Variants in ADGRF3 observed in about 807,000 individuals in gnomAD.
ADGRF3 encodes adhesion G protein-coupled receptor F3.
ADGRF3 carries 85 observed loss-of-function variants against 93.2 expected under a neutral mutation model. The ratio of observed to expected loss-of-function variants is 0.91; its 90% CI spans 0.77 to 1.09. The LOEUF (loss-of-function observed/expected upper bound fraction) is 1.09, where lower values mean the gene tolerates loss of function less well. Ranked by LOEUF, ADGRF3 falls within the 50% of genes least tolerant of loss-of-function variation. The pLI, the probability that ADGRF3 is intolerant of heterozygous loss-of-function variation, is 0.00. For synonymous variants in ADGRF3, 534 were observed against 532.5 expected, an observed-to-expected ratio of 1.00 and a Z score of -0.04; for missense variants, 1,125 against 1,246.2, an observed-to-expected ratio of 0.90 and a Z score of 1.46.
chr2:26,324,161 C>T (rs758424398), intron 1 of ADGRF3, among the ~76,000 whole-genome samples: 12 of 152,014 alleles, frequency 7.9e-5, no homozygotes, highest in Non-Finnish European at 1.5e-4. Flanking sequence ...TGAGGTGGGA[C>T]GATCACCGGA....
In ADGRF3 at chr2:26,311,692, T is replaced by C. The variant is rs761851403; in HGVS notation, c.1832A>G (p.Tyr611Cys). Reference sequence around the variant, plus strand: ...GACAAGGACCAGGCCAGGAGTGGCATAGAGGGAATCCCCCAGCCCTTGTCC... The same window carrying C: ...GACAAGGACCAGGCCAGGAGTGGCACAGAGGGAATCCCCCAGCCCTTGTCC... ...NYGQGLGDSLYATPGLVLVIS... is the reference protein window; with the variant it reads ...NYGQGLGDSLCATPGLVLVIS... Residue 611 changes from tyrosine (Y) to cysteine (C), a missense_variant, in exon 10 of 14, where the codon TAT becomes TGT. Tyr to Cys is a radical substitution (Grantham distance 194). Transcript: ENST00000651242. 1.2e-6 allele frequency: 2 copies of C among 1,613,324 alleles called. No individual in the cohort carries two copies. Among genetic ancestry groups the C allele is most frequent in the African/African-American group, 1.3e-5 (1 of 74,896 alleles).
chr2:26,345,861 C>T (rs1676698944), intron 1 of ADGRF3: 2 of 481,682 alleles, frequency 4.2e-6, no homozygotes, highest in East Asian at 3.7e-5. Flanking sequence ...TGACCTTTCA[C>T]CCCCTCTCTT....
At chr2:26,339,250 C>T (rs1326641638) in intron 1 of ADGRF3, among the ~76,000 whole-genome samples, 1 of 151,948 alleles carries the variant, frequency 6.6e-6, no homozygotes, top group African/African-American at 2.4e-5. Context: ...AATCCCAGCA[C>T]TTTGGGAGGC....
intron 1 of ADGRF3, among the ~76,000 whole-genome samples, chr2:26,324,626 A>G (rs1490867680): frequency 6.6e-6 from 1 of 152,344 alleles, no homozygotes; most frequent in Admixed American, 6.5e-5. Context: ...CTCCAGCTCC[A>G]TCCATGTCCC....
At position 26,311,097 on chromosome 2, in the gene ADGRF3, C is replaced by T. The variant is rs762254033; in HGVS notation, c.2427G>A (p.Leu809=). 1.2e-5 allele frequency: 20 copies of T among 1,601,288 alleles called. No individual in the cohort carries two copies. Among genetic ancestry groups the T allele is most frequent in the Non-Finnish European group, 1.7e-5 (20 of 1,174,204 alleles). ...AHQLLFVFHQ[L]AKHRVLPLMV... ...TGAGGGGGAGAACTCGGTGCTTTGCCAGCTGGTGAAAGACAAAGAGCAGCT... is the reference window on the plus strand; with the variant it reads ...TGAGGGGGAGAACTCGGTGCTTTGCTAGCTGGTGAAAGACAAAGAGCAGCT... Residue 809 remains leucine, a synonymous_variant, in exon 10 of 14, where the codon CTG becomes CTA. Coordinates refer to ENST00000651242, the MANE Select transcript of ADGRF3 (RefSeq NM_001321971.2).
At chr2:26,344,097 C>G (rs1676551040) in intron 1 of ADGRF3, among the ~76,000 whole-genome samples, 1 of 152,220 alleles carries the variant, frequency 6.6e-6, no homozygotes, top group African/African-American at 2.4e-5. Flanking sequence ...ACTGAAGTCA[C>G]ATTTTATGGC....
At chr2:26,335,641 T>G (rs980839212) in intron 1 of ADGRF3, among the ~76,000 whole-genome samples, 1 of 102,720 alleles carries the variant, frequency 9.7e-6, no homozygotes. Context: ...TTGCCAACGC[T>G]GTTTTTTTTT....
rs182968888 is a variant in ADGRF3 at position 26,325,530 on chromosome 2, A to G, written c.115-7968T>C. ...CAGAAAACCCTGCTTCAGCGTTTAT[A>G]TTAAAGCTATGTACCTCAAGAGCAC... On this transcript the variant is annotated intron_variant, in intron 1 of 13. Coordinates refer to ENST00000651242, the MANE Select transcript of ADGRF3 (RefSeq NM_001321971.2). 1.4e-3 allele frequency among the ~76,000 whole-genome samples: 206 copies of G among 152,188 alleles called. 2 individuals are homozygous for G. Among genetic ancestry groups the G allele is most frequent in the African/African-American group, 4.7e-3 (197 of 41,570 alleles).
intron 1 of ADGRF3, among the ~76,000 whole-genome samples, chr2:26,332,873 TC>T (rs1675845547): frequency 6.6e-6 from 1 of 152,100 alleles, no homozygotes; most frequent in Non-Finnish European, 1.5e-5. Context: ...CACCTCAGCC[TC>T]CCAAAGTGCA....
chr2:26,336,097 A>T (rs1467232642), intron 1 of ADGRF3, among the ~76,000 whole-genome samples: 1 of 152,178 alleles, frequency 6.6e-6, no homozygotes, highest in East Asian at 1.9e-4. Context: ...ACATAAACAT[A>T]AAGGTATGCA....
chr2:26,313,268 T>C, intron 8 of ADGRF3, 109 bp downstream of exon 8: 1 of 1,429,356 alleles, frequency 7.0e-7, no homozygotes, highest in East Asian at 2.4e-5. Context: ...TCAGAGAAGC[T>C]GAACAGCCTG....
In ADGRF3 at chr2:26,313,740, G is replaced by C; in HGVS notation, c.1072+20C>G. On this transcript the variant is annotated intron_variant, in intron 7 of 13. Coordinates refer to ENST00000651242, the MANE Select transcript of ADGRF3 (RefSeq NM_001321971.2). ...GGCAAGCAGCTGGGACCAGCCCACTGGGCCCCAGGCCCTGCGTACCCTGGA... is the reference window on the plus strand; with the variant it reads ...GGCAAGCAGCTGGGACCAGCCCACTCGGCCCCAGGCCCTGCGTACCCTGGA... 1 of 1,613,018 alleles carries C rather than the reference G, an allele frequency of 6.2e-7. No homozygotes were observed. The highest frequency in any genetic ancestry group is 8.5e-7 in the Non-Finnish European group (1 of 1,179,576).
intron 9 of ADGRF3, 25 bp from the exon 10 acceptor site, chr2:26,312,099 A>C (rs78752370): frequency 6.3e-7 from 1 of 1,576,910 alleles, no homozygotes; most frequent in South Asian, 1.2e-5. Context: ...AGAAAGATGA[A>C]CCCCGTCTGC....
chr2:26,345,065 T>C (rs1471767883), intron 1 of ADGRF3, among the ~76,000 whole-genome samples: 1 of 152,180 alleles, frequency 6.6e-6, no homozygotes, highest in Non-Finnish European at 1.5e-5. Context: ...TGGTTTCCCA[T>C]AACACAGAAC....
chr2:26,318,919 T>TGTCGCCTCTGCAGACCTTCCCTG (rs1334068951), intron 1 of ADGRF3: 2 of 1,551,426 alleles, frequency 1.3e-6, no homozygotes, highest in African/African-American at 2.7e-5. Flanking sequence ...GGGTCCCCAT[T>TGTCGCCTCTGCAGACCTTCCCTG]GTCGCCTCTG....
intron 8 of ADGRF3, 66 bp downstream of exon 8, chr2:26,313,311 C>T (rs902232603): frequency 9.6e-6 from 14 of 1,458,714 alleles, no homozygotes; most frequent in Non-Finnish European, 1.2e-5. Context: ...GGTCTGCAAG[C>T]TGGGTCCTAG....
At chr2:26,338,060 A>C (rs1676155190) in intron 1 of ADGRF3, among the ~76,000 whole-genome samples, 1 of 152,068 alleles carries the variant, frequency 6.6e-6, no homozygotes, top group Non-Finnish European at 1.5e-5. Flanking sequence ...TAAATAAATA[A>C]ATCCCTATGT....
At chr2:26,312,338 T>C (rs1432575163) in intron 9 of ADGRF3, among the ~76,000 whole-genome samples, 1 of 151,990 alleles carries the variant, frequency 6.6e-6, no homozygotes, top group South Asian at 2.1e-4. Flanking sequence ...AAACCCTTCT[T>C]CCCCCTCCAT....
At chr2:26,343,118 G>C (rs1315867149) in intron 1 of ADGRF3, among the ~76,000 whole-genome samples, 1 of 152,112 alleles carries the variant, frequency 6.6e-6, no homozygotes, top group African/African-American at 2.4e-5. Context: ...GTAATGCCTT[G>C]TGTTACAACA....
Sources: allele counts gnomAD v4.1 joint callset (sites outside exome capture counted in the v4.1 genomes callset), GRCh38; gene constraint gnomAD v4.1.1; transcripts MANE v1.5; gene names NCBI Gene and HGNC (gene_info 2026-07-23, HGNC 2026-07-21).